Variants in DCTPP1 observed in about 807,000 individuals in gnomAD.
DCTPP1 encodes XTP3-transactivated gene A protein.
Under a neutral mutation model 8.8 loss-of-function variants are expected in DCTPP1, and 8 were observed. The ratio of observed to expected loss-of-function variants is 0.91; its 90% CI spans 0.54 to 1.64. The LOEUF is 1.64. Among genes scored for constraint, DCTPP1 ranks in the 40% most tolerant of loss-of-function variants. The pLI, the probability that DCTPP1 is intolerant of heterozygous loss-of-function variation, is 0.00. For synonymous variants in DCTPP1, 85 were observed against 92.1 expected (o/e 0.92, Z 0.44); for missense variants, 231 against 230.4 (o/e 1.00, Z -0.02).
chr16:30,423,714 C>CT lies in DCTPP1; in HGVS notation c.*518dup, dbSNP rs1481648867. 2 of 157,462 alleles carry CT rather than the reference C, an allele frequency of 1.3e-5. No individual in the cohort carries two copies. Among genetic ancestry groups the CT allele is most frequent in the Non-Finnish European group, 2.8e-5 (2 of 71,562 alleles). The allele number at this position is 157,462 out of a possible 1,614,324, so 9.8% of individuals were successfully genotyped here. A position where few individuals can be genotyped will look rare whatever the true frequency, so the allele number is the denominator to read the frequency against. On this transcript the variant is annotated 3_prime_UTR_variant, in exon 3 of 3. Transcript: ENST00000319285. ...ACGACCCTATTGGGCAGGTACTATTCTTTTTATTTGATAGACAAGGAAGCT... is the reference window on the plus strand; with the variant it reads ...ACGACCCTATTGGGCAGGTACTATTCTTTTTTATTTGATAGACAAGGAAGCT...
At position 30,429,061 on chromosome 16, in the gene DCTPP1, GTT is replaced by G; in HGVS notation, c.206_207del (p.Glu69AlafsTer28). The G allele has an allele frequency of 6.2e-7, 1 of 1,613,446 alleles. No individual in the cohort carries two copies. The highest frequency in any genetic ancestry group is 8.5e-7 in the Non-Finnish European group (1 of 1,179,710). ...GGAAGCTTTCCATCTACTCACAAGA[GTT>G]CTGCCAGCTCCCCCACTTCCCCAAC... ...ALVGEVGELAELFQWKTDGEP... is the reference protein window; with the variant it reads ...ALVGEVGELAXLFQWKTDGEP... On this transcript the variant is annotated frameshift_variant, in exon 2 of 3. Coordinates refer to ENST00000319285, the MANE Select transcript of DCTPP1 (RefSeq NM_024096.2). LOFTEE classifies it high-confidence loss of function.
Position 30,429,083 on chromosome 16 carries a change from C to T in DCTPP1, c.186G>A (p.Gly62=), listed in dbSNP as rs1338022367. Residue 62 remains glycine (G), a synonymous_variant, in exon 2 of 3, where the codon GGG becomes GGA. Coordinates refer to ENST00000319285, the MANE Select transcript of DCTPP1 (RefSeq NM_024096.2). ...AGAGTTCTGCCAGCTCCCCCACTTC[C>T]CCAACCAAGGCCAGGAGGAGATTCC... is the stretch of plus-strand genomic sequence containing the variant. ...QPRNLLLALV[G]EVGELAELFQ... The T allele has an allele frequency of 6.2e-7, 1 of 1,613,892 alleles. No individual in the cohort carries two copies. Among genetic ancestry groups the T allele is most frequent in the South Asian group, 1.1e-5 (1 of 91,006 alleles).
intron 2 of DCTPP1, among the ~76,000 whole-genome samples, chr16:30,425,683 C>T (rs565181749): frequency 6.6e-6 from 1 of 152,100 alleles, no homozygotes; most frequent in Non-Finnish European, 1.5e-5. Context: ...GTGGCGCATG[C>T]CTGTAATCTC....
chr16:30,430,027 G>C lies in DCTPP1; in HGVS notation c.-47C>G, dbSNP rs1347364748. On this transcript the variant is annotated 5_prime_UTR_variant, in exon 1 of 3. Coordinates refer to ENST00000319285, the MANE Select transcript of DCTPP1 (RefSeq NM_024096.2). ...ACTTCACGGAAAACCCACGAGCCAC[G>C]CTCGAAGCCCCGCCTCCAGAGCTCC... 5 of 1,406,220 alleles carry C rather than the reference G, an allele frequency of 3.6e-6. No homozygotes were observed. In the East Asian group the frequency reaches 1.2e-4, roughly 34 times the overall value. 87.1% of individuals were successfully genotyped at this position (1,406,220 alleles called of 1,614,324 possible). A position where few individuals can be genotyped will look rare whatever the true frequency, so the allele number is the denominator to read the frequency against.
rs138373721 is a variant in DCTPP1, at chr16:30,428,664, G to C, written c.212+393C>G. On this transcript the variant is annotated intron_variant, in intron 2 of 2. Coordinates refer to ENST00000319285, the MANE Select transcript of DCTPP1 (RefSeq NM_024096.2). ...GGGCACCTGTAGTCCCAGCTACTCG[G>C]GGGGCTGAGACAGAACTGCTTAAAC... 3.8e-3 allele frequency among the ~76,000 whole-genome samples: 581 copies of C among 152,268 alleles called. 3 individuals are homozygous for C. Among genetic ancestry groups the C allele is most frequent in the African/African-American group, 0.01 (435 of 41,562 alleles).
rs745773849 is a variant in DCTPP1, at chr16:30,424,395, T to C, written c.351A>G (p.Ala117=). 2 of 1,614,046 alleles carry C rather than the reference T, an allele frequency of 1.2e-6. No individual in the cohort carries two copies. Among genetic ancestry groups the C allele is most frequent in the South Asian group, 1.1e-5 (1 of 91,078 alleles). The change falls in exon 3 of 3, where the codon GCA becomes GCG. Residue 117 remains alanine (A), a synonymous_variant. Transcript: ENST00000319285. ...GGTTGATGTCCATTTTGGAGAGCAC[T>C]GCTAGCGGCAGATCCACACGGCAGC... ...AARCRVDLPL[A]VLSKMDINRR... is the part of the protein sequence containing the mutation.
intron 2 of DCTPP1, among the ~76,000 whole-genome samples, chr16:30,428,430 C>G (rs922085787): frequency 6.6e-6 from 1 of 152,238 alleles, no homozygotes; most frequent in East Asian, 1.9e-4. Flanking sequence ...ATGCCACAGG[C>G]AGGTCCTCTA....
chr16:30,423,811 C>G lies in DCTPP1; in HGVS notation c.*422G>C, dbSNP rs2050176904. 5.9e-6 allele frequency: 1 copy of G among 169,676 alleles called. No homozygotes were observed. Among genetic ancestry groups the G allele is most frequent in the Admixed American group, 5.7e-5 (1 of 17,536 alleles). The allele number at this position is 169,676 out of a possible 1,614,324, so 10.5% of individuals were successfully genotyped here. A position where few individuals can be genotyped will look rare whatever the true frequency, so the allele number is the denominator to read the frequency against. ...GTCAAAGATGGCATTTGAACCCAGA[C>G]AGCCTGGCTCCACCATCTGGACTCT... is the stretch of plus-strand genomic sequence containing the variant. On this transcript the variant is annotated 3_prime_UTR_variant, in exon 3 of 3. Coordinates refer to ENST00000319285, the MANE Select transcript of DCTPP1 (RefSeq NM_024096.2).
At chr16:30,427,465 A>G (rs916791135) in intron 2 of DCTPP1, among the ~76,000 whole-genome samples, 3 of 151,698 alleles carry the variant, frequency 2.0e-5, no homozygotes, top group Admixed American at 2.0e-4. Flanking sequence ...GGCGCCCGCC[A>G]CCATGCCTGG....
chr16:30,428,799 AG>A, intron 2 of DCTPP1: 1 of 416,184 alleles, frequency 2.4e-6, no homozygotes, highest in Non-Finnish European at 4.2e-6. Flanking sequence ...AAACAAAAGA[AG>A]GGAAAAGGGT....
At chr16:30,426,263 C>T (rs1384210799) in intron 2 of DCTPP1, among the ~76,000 whole-genome samples, 3 of 152,126 alleles carry the variant, frequency 2.0e-5, no homozygotes, top group Non-Finnish European at 4.4e-5. Flanking sequence ...GCAAGCTCCG[C>T]CTCCCAGGTT....
intron 2 of DCTPP1, among the ~76,000 whole-genome samples, chr16:30,427,004 T>C (rs1336808851): frequency 6.7e-6 from 1 of 149,900 alleles, no homozygotes; most frequent in Non-Finnish European, 1.5e-5. Flanking sequence ...CCTGGACCTT[T>C]TTCGTTGGGT....
Position 30,429,932 on chromosome 16 carries a change from T to G in DCTPP1, c.49A>C (p.Thr17Pro), listed in dbSNP as rs757295928. 2.5e-6 allele frequency: 4 copies of G among 1,592,126 alleles called. No homozygotes were observed. In the African/African-American group the frequency reaches 5.5e-5, roughly 22 times the overall value. The stretch of plus-strand genomic sequence containing the variant: ...AAGCTGAACCGGCCGGGAGCAGCAG[T>G]GTCCTCTCCCCCCGTGTCCCCACGA... ...EIRGDTGGED[T>P]AAPGRFSFSP... Residue 17 changes from threonine (T) to proline (P), a missense_variant, in exon 1 of 3, where the codon ACT becomes CCT. Transcript: ENST00000319285.
At chr16:30,429,017 C>T in intron 2 of DCTPP1, 40 bp downstream of exon 2, 1 of 1,572,252 alleles carries the variant, frequency 6.4e-7, no homozygotes. Context: ...TCCCCTCCCC[C>T]ACAACTCAGA....
intron 2 of DCTPP1, among the ~76,000 whole-genome samples, chr16:30,425,033 G>A (rs1335404566): frequency 6.6e-6 from 1 of 152,182 alleles, no homozygotes; most frequent in Non-Finnish European, 1.5e-5. Flanking sequence ...GGCATGTGCC[G>A]CCATGCCCGG....
rs897492409 is a variant in DCTPP1, at chr16:30,429,162, C to A, written c.107G>T (p.Arg36Leu). ...SPEPTLEDIR[R>L]LHAEFAAERD... ...TTCCGCAGCAAACTCAGCATGGAGG[C>A]GGCGGCTGAAATAGGACAAAGGAGT... Residue 36 changes from arginine (R) to leucine (L), a missense_variant, in exon 2 of 3, where the codon CGC (arginine) becomes CTC (leucine). Transcript: ENST00000319285. 6.2e-7 allele frequency: 1 copy of A among 1,613,966 alleles called. No homozygotes were observed. Among genetic ancestry groups the A allele is most frequent in the East Asian group, 2.2e-5 (1 of 44,882 alleles).
chr16:30,426,125 C>T (rs2050190892), intron 2 of DCTPP1, among the ~76,000 whole-genome samples: 1 of 152,194 alleles, frequency 6.6e-6, no homozygotes, highest in Non-Finnish European at 1.5e-5. Flanking sequence ...TCCTGTTATT[C>T]AGGGCTCAGC....
In DCTPP1 at chr16:30,429,041, C is replaced by T. The variant is rs2050209547; in HGVS notation, c.212+16G>A. ...CCACAACTCAGACTCTACCAGGAAG[C>T]TTTCCATCTACTCACAAGAGTTCTG... On this transcript the variant is annotated intron_variant, in intron 2 of 2. Transcript: ENST00000319285. 5 of 1,611,156 alleles carry T rather than the reference C, an allele frequency of 3.1e-6. No individual in the cohort carries two copies. The South Asian group carries it at 4.4e-5, about 14-fold the overall frequency.
In DCTPP1 at chr16:30,424,309, T is replaced by C. The variant is rs1219167590; in HGVS notation, c.437A>G (p.His146Arg). The change falls in exon 3 of 3, where the codon CAT (histidine) becomes CGT (arginine). Residue 146 changes from histidine to arginine, a missense_variant. Physicochemically the swap from His to Arg is conservative, Grantham distance 29 (BLOSUM62 0). Transcript: ENST00000319285. ...AGCCTGGTCTTCAGAGATGGCCCCA[T>C]GGGGCAATTCTGTATACTTGCGGGA... ...SSSRKYTELP[H>R]GAISEDQAVG... 2.5e-6 allele frequency: 4 copies of C among 1,614,104 alleles called. No homozygotes were observed. The highest frequency in any genetic ancestry group is 3.4e-6 in the Non-Finnish European group (4 of 1,180,044).
Sources: gnomAD v4.1 joint callset for allele counts (sites outside exome capture counted in the v4.1 genomes callset) on GRCh38, gnomAD v4.1.1 for gene constraint, MANE v1.5 for transcripts, NCBI Gene and HGNC (gene_info 2026-07-23, HGNC 2026-07-21) for gene names.